MECR: variants seen among roughly 807,000 people sequenced by gnomAD.
The protein encoded by MECR is mitochondrial trans-2-enoyl-CoA reductase, also known as enoyl-[acyl-carrier-protein] reductase, mitochondrial.
MECR carries 37 observed loss-of-function variants against 49.1 expected under a neutral mutation model. The ratio of observed to expected loss-of-function variants is 0.75; its 90% CI spans 0.58 to 0.99. The LOEUF (loss-of-function observed/expected upper bound fraction) is 0.99, where lower values mean the gene tolerates loss of function less well. Among genes scored for constraint, MECR ranks in the 50% least tolerant of loss-of-function variants. The pLI is 0.00. For synonymous variants in MECR, 198 were observed against 191.1 expected, an observed-to-expected ratio of 1.04 and a Z score of -0.30; for missense variants, 470 against 479.6, an observed-to-expected ratio of 0.98 and a Z score of 0.19.
chr1:29,211,341 C>T (rs895900930), intron 3 of MECR, among the ~76,000 whole-genome samples: 1 of 152,212 alleles, frequency 6.6e-6, no homozygotes, highest in Non-Finnish European at 1.5e-5. Context: ...GCTGGGATTA[C>T]AGGCATGAGC....
the MECR span, among the ~76,000 whole-genome samples, chr1:29,176,270 A>G: frequency 3.7e-4 from 56 of 152,078 alleles, no homozygotes; most frequent in African/African-American, 1.3e-3. Flanking sequence ...CAAAAAACAA[A>G]AAACAAAAAA....
At chr1:29,220,507 A>C (rs973242056) in intron 1 of MECR, among the ~76,000 whole-genome samples, 3 of 152,226 alleles carry the variant, frequency 2.0e-5, no homozygotes, top group African/African-American at 7.2e-5. Flanking sequence ...GTTTAGGAAA[A>C]TACTCCTGCA....
At chr1:29,210,245 C>T (rs979006643) in intron 3 of MECR, among the ~76,000 whole-genome samples, 2 of 152,178 alleles carry the variant, frequency 1.3e-5, no homozygotes, top group African/African-American at 4.8e-5. Context: ...ATCTCCTGAC[C>T]TCGTGATCCG....
chr1:29,198,556 C>A (rs1674567150), intron 7 of MECR, among the ~76,000 whole-genome samples: 1 of 152,158 alleles, frequency 6.6e-6, no homozygotes, highest in African/African-American at 2.4e-5. Context: ...TGGGGTCAAG[C>A]CTGGCTCTCC....
At chr1:29,181,382 C>CACCAA in the MECR span, among the ~76,000 whole-genome samples, 1 of 152,148 alleles carries the variant, frequency 6.6e-6, no homozygotes, top group Non-Finnish European at 1.5e-5. Flanking sequence ...CTGCCCGGAG[C>CACCAA]ACCAGCCCCA....
intron 1 of MECR, chr1:29,223,370 TGTGTAAG>T: frequency 1.2e-6 from 1 of 821,874 alleles, no homozygotes; most frequent in Non-Finnish European, 1.5e-6. Context: ...TTATACTTGC[TGTGTAAG>T]GTGGGCATTA....
chr1:29,226,385 C>T (rs117325122), intron 1 of MECR, among the ~76,000 whole-genome samples: 2 of 152,036 alleles, frequency 1.3e-5, no homozygotes, highest in East Asian at 1.9e-4. Context: ...CTTTCTACAG[C>T]GTAGAAATTT....
chr1:29,187,662 C>T (rs1354950116), downstream of MECR, among the ~76,000 whole-genome samples: 6 of 149,856 alleles, frequency 4.0e-5, no homozygotes, highest in Admixed American at 2.0e-4. Context: ...TGCAGTGGTG[C>T]GATCTCAGCT....
chr1:29,174,594 CTT>C, the MECR span, among the ~76,000 whole-genome samples: 2 of 148,314 alleles, frequency 1.3e-5, no homozygotes, highest in African/African-American at 2.5e-5. Flanking sequence ...TATAAAATAA[CTT>C]ATAGTATGAT....
chr1:29,203,137 C>T lies in MECR; in HGVS notation c.647G>A (p.Arg216Gln), dbSNP rs770095142. ...ALGLRTINVVRDRPDIQKLSD... is the reference protein window; with the variant it reads ...ALGLRTINVVQDRPDIQKLSD... ...AGCCTCCTTCCCCACGCACCTGTCT[C>T]GGACCACATTGATGGTTCTTAGGCC... The change falls in exon 5 of 10, where the codon CGA (arginine) becomes CAA (glutamine). Residue 216 changes from arginine to glutamine, a missense_variant. Physicochemically the swap from Arg to Gln is conservative, Grantham distance 43. Coordinates refer to ENST00000263702, the MANE Select transcript of MECR (RefSeq NM_016011.5). 1.1e-5 allele frequency: 17 copies of T among 1,574,186 alleles called. No individual in the cohort carries two copies. The highest frequency in any genetic ancestry group is 3.5e-5 in the South Asian group (3 of 86,646).
downstream of MECR, among the ~76,000 whole-genome samples, chr1:29,190,136 A>C (rs544383982): frequency 3.5e-4 from 54 of 152,222 alleles, no homozygotes; most frequent in South Asian, 0.011. Context: ...GCACTTTGGG[A>C]GGCTGAGGCG....
downstream of MECR, among the ~76,000 whole-genome samples, chr1:29,192,348 G>GT (rs547475395): frequency 6.2e-3 from 946 of 152,266 alleles, 2 homozygotes; most frequent in Middle Eastern, 0.014. Context: ...TTGGTACGCA[G>GT]TTTCCTGCTC....
intron 1 of MECR, among the ~76,000 whole-genome samples, chr1:29,230,003 T>G (rs184487026): frequency 6.6e-6 from 1 of 152,230 alleles, no homozygotes. Flanking sequence ...AAACAGCTAC[T>G]AAGACGTTGA....
intron 1 of MECR, among the ~76,000 whole-genome samples, chr1:29,225,310 T>C (rs570444962): frequency 3.9e-5 from 6 of 152,224 alleles, no homozygotes; most frequent in Admixed American, 2.0e-4. Context: ...TCTCTGCACA[T>C]GCAGGTTCCT....
In MECR at chr1:29,203,362, TGA is replaced by T. The variant is rs1304926722; in HGVS notation, c.551-131_551-130del. 21 of 643,064 alleles carry T rather than the reference TGA, an allele frequency of 3.3e-5. No individual in the cohort carries two copies. In the African/African-American group the frequency reaches 3.7e-4, roughly 11 times the overall value. 39.8% of individuals were successfully genotyped at this position (643,064 alleles called of 1,614,324 possible). A position where few individuals can be genotyped will look rare whatever the true frequency, so the allele number is the denominator to read the frequency against. ...CAACAGGGACCCAGGACCTGGCTGC[TGA>T]GTCTTCTCAGACCTTCCACTGTTTC... On this transcript the variant is annotated intron_variant, in intron 4 of 9. Coordinates refer to ENST00000263702, the MANE Select transcript of MECR (RefSeq NM_016011.5).
chr1:29,183,536 T>C, the MECR span, among the ~76,000 whole-genome samples: 9 of 152,328 alleles, frequency 5.9e-5, no homozygotes, highest in East Asian at 5.8e-4. Flanking sequence ...TTTTTGATCT[T>C]TGCCAATCTG....
At chr1:29,169,207 T>A in the MECR span, 4 of 152,184 alleles carry the variant, frequency 2.6e-5, no homozygotes, top group Non-Finnish European at 4.4e-5. Flanking sequence ...GAAACTAACT[T>A]AGAGGAGTTG....
intron 1 of MECR, among the ~76,000 whole-genome samples, chr1:29,217,029 G>A (rs1679582877): frequency 6.6e-6 from 1 of 150,942 alleles, no homozygotes; most frequent in African/African-American, 2.4e-5. Context: ...AGCTACTCGG[G>A]TGGCTGAGGC....
At chr1:29,222,300 T>C (rs566054508) in intron 1 of MECR, among the ~76,000 whole-genome samples, 3 of 152,222 alleles carry the variant, frequency 2.0e-5, no homozygotes, top group South Asian at 4.1e-4. Context: ...GGTTTTATCA[T>C]GTTGGTCAGG....
Sources: gnomAD v4.1 joint callset for allele counts (sites outside exome capture counted in the v4.1 genomes callset) on GRCh38, gnomAD v4.1.1 for gene constraint, MANE v1.5 for transcripts, NCBI Gene and HGNC (gene_info 2026-07-23, HGNC 2026-07-21) for gene names.